Variants in L3MBTL4 observed in about 807,000 individuals in gnomAD.
The protein encoded by L3MBTL4 is lethal(3)malignant brain tumor-like protein 4.
A neutral mutation model predicts 84.5 loss-of-function variants in L3MBTL4; 70 were observed. That is an observed-to-expected ratio of 0.83 (90% CI 0.68 to 1.01). The LOEUF is 1.01. L3MBTL4 is among the 50% of genes least tolerant of loss of function. The pLI is 0.00. For synonymous variants in L3MBTL4, 274 were observed against 259.8 expected, an observed-to-expected ratio of 1.05 and a Z score of -0.52; for missense variants, 715 against 754.8, an observed-to-expected ratio of 0.95 and a Z score of 0.62.
At chr18:6,018,701 A>G (rs1339880133) in intron 16 of L3MBTL4, among the ~76,000 whole-genome samples, 1 of 152,222 alleles carries the variant, frequency 6.6e-6, no homozygotes, top group Non-Finnish European at 1.5e-5. Context: ...CTGAATATCT[A>G]AACAGTAGCA....
At chr18:6,037,806 T>C (rs1389065006) in intron 16 of L3MBTL4, among the ~76,000 whole-genome samples, 1 of 152,234 alleles carries the variant, frequency 6.6e-6, no homozygotes, top group East Asian at 1.9e-4. Context: ...TTCTGCATAA[T>C]GACATTTGAA....
chr18:6,308,359 C>T (rs2050685062), intron 3 of L3MBTL4, among the ~76,000 whole-genome samples: 1 of 152,160 alleles, frequency 6.6e-6, no homozygotes, highest in African/African-American at 2.4e-5. Context: ...AGGGTGATCT[C>T]TTTGGAGGAT....
Position 6,166,655 on chromosome 18 carries a change from A to G in L3MBTL4, c.1096+5173T>C, listed in dbSNP as rs1277450970. Among the ~76,000 whole-genome samples, 4 of 152,336 alleles carry G rather than the reference A, an allele frequency of 2.6e-5. No homozygotes were observed. The East Asian group carries it at 7.7e-4, about 29-fold the overall frequency. On this transcript the variant is annotated intron_variant, in intron 13 of 18. Coordinates refer to ENST00000317931, the MANE Select transcript of L3MBTL4 (RefSeq NM_001330559.2). ...CGAGAACAAAGACACAACATACCAGAATCTCTGGGACACATTCAAAGCAGT... is the reference window on the plus strand; with the variant it reads ...CGAGAACAAAGACACAACATACCAGGATCTCTGGGACACATTCAAAGCAGT...
chr18:5,971,689 A>C (rs963974251), intron 16 of L3MBTL4, among the ~76,000 whole-genome samples: 1 of 152,214 alleles, frequency 6.6e-6, no homozygotes, highest in Non-Finnish European at 1.5e-5. Context: ...AATTTCCCAC[A>C]CCATAATTCT....
chr18:5,969,657 G>A (rs1478018885), intron 16 of L3MBTL4, 95 bp from the exon 17 acceptor site: 23 of 1,266,548 alleles, frequency 1.8e-5, no homozygotes, highest in Non-Finnish European at 2.2e-5. Flanking sequence ...GTCAGGGGAC[G>A]GAAAGTGCAG....
chr18:6,227,121 A>G (rs958971169), intron 10 of L3MBTL4, among the ~76,000 whole-genome samples: 2 of 152,216 alleles, frequency 1.3e-5, no homozygotes, highest in Non-Finnish European at 2.9e-5. Flanking sequence ...TGTGCACCTA[A>G]TAAGAGTGCT....
At chr18:6,143,167 T>G (rs896733259) in intron 13 of L3MBTL4, among the ~76,000 whole-genome samples, 4 of 152,216 alleles carry the variant, frequency 2.6e-5, no homozygotes, top group Admixed American at 2.0e-4. Flanking sequence ...TAATATTGTT[T>G]TCAGTACTAT....
Position 6,174,914 on chromosome 18 carries a change from C to A in L3MBTL4, c.982-2972G>T, listed in dbSNP as rs148273409. Among the ~76,000 whole-genome samples the A allele has an allele frequency of 2.3e-3, 350 of 151,098 alleles. 2 individuals are homozygous for A. Among genetic ancestry groups the A allele is most frequent in the African/African-American group, 8.1e-3 (335 of 41,202 alleles). On this transcript the variant is annotated intron_variant, in intron 12 of 18. Coordinates refer to ENST00000317931, the MANE Select transcript of L3MBTL4 (RefSeq NM_001330559.2). Reference sequence around the variant, plus strand: ...ACAAGATTTAAATAATAAATAGAGCCTGATAATATCAACTCATCTAACATA... The same window carrying A: ...ACAAGATTTAAATAATAAATAGAGCATGATAATATCAACTCATCTAACATA...
At chr18:6,183,994 G>T (rs1489142971) in intron 12 of L3MBTL4, among the ~76,000 whole-genome samples, 1 of 152,090 alleles carries the variant, frequency 6.6e-6, no homozygotes, top group Non-Finnish European at 1.5e-5. Flanking sequence ...TGAACAACAT[G>T]ATGGACAATA....
Position 5,956,225 on chromosome 18 carries a change from C to G in L3MBTL4, c.1840G>C (p.Gly614Arg). Residue 614 changes from glycine (G) to arginine (R), a missense_variant, in exon 19 of 19, where the codon GGA (glycine) becomes CGA (arginine). Coordinates refer to ENST00000317931, the MANE Select transcript of L3MBTL4 (RefSeq NM_001330559.2). ...EDIASGQEVR[G>R] ...AGGAAGTTCAGGGAGCCCATTCATC[C>G]CCTGACTTCTTGGCCTGAGGCAATA... 6.2e-7 allele frequency: 1 copy of G among 1,612,478 alleles called. No homozygotes were observed. The highest frequency in any genetic ancestry group is 8.5e-7 in the Non-Finnish European group (1 of 1,179,352).
chr18:6,229,059 T>A (rs1467590696), intron 10 of L3MBTL4, among the ~76,000 whole-genome samples: 2 of 152,124 alleles, frequency 1.3e-5, no homozygotes, highest in Admixed American at 1.3e-4. Flanking sequence ...GCTAAAAAAA[T>A]TTTCATACTT....
intron 16 of L3MBTL4, chr18:6,030,851 A>G (rs539532238): frequency 2.0e-6 from 2 of 985,220 alleles, no homozygotes; most frequent in African/African-American, 3.5e-5. Flanking sequence ...AACATGAAAC[A>G]TACTGAAACT....
chr18:5,978,036 G>GTAC (rs1363491237), intron 16 of L3MBTL4, among the ~76,000 whole-genome samples: 1 of 152,238 alleles, frequency 6.6e-6, no homozygotes, highest in Non-Finnish European at 1.5e-5. Context: ...ACATGGTGCG[G>GTAC]TGTAGCAGGG....
intron 1 of L3MBTL4, among the ~76,000 whole-genome samples, chr18:6,316,817 G>A (rs1294672670): frequency 6.6e-6 from 1 of 152,076 alleles, no homozygotes; most frequent in Non-Finnish European, 1.5e-5. Context: ...CCCCTGATGA[G>A]ACCTCAGTGT....
intron 1 of L3MBTL4, among the ~76,000 whole-genome samples, chr18:6,398,535 A>T (rs72879976): frequency 0.014 from 2,088 of 152,228 alleles, 26 homozygotes; most frequent in Middle Eastern, 0.099. Flanking sequence ...TGCACATCAC[A>T]GAGGCAAAGA....
chr18:6,026,580 G>A (rs986598021), intron 16 of L3MBTL4, among the ~76,000 whole-genome samples: 1 of 152,140 alleles, frequency 6.6e-6, no homozygotes, highest in Admixed American at 6.6e-5. Context: ...TCAATCTGCT[G>A]AAGAGCTAAG....
At chr18:6,330,121 A>T (rs1237521739) in intron 1 of L3MBTL4, among the ~76,000 whole-genome samples, 1 of 152,198 alleles carries the variant, frequency 6.6e-6, no homozygotes, top group Non-Finnish European at 1.5e-5. Context: ...CTACTTAAAC[A>T]ATCTACTATA....
intron 5 of L3MBTL4, among the ~76,000 whole-genome samples, chr18:6,247,921 T>C (rs2047750240): frequency 6.6e-6 from 1 of 152,118 alleles, no homozygotes; most frequent in Non-Finnish European, 1.5e-5. Context: ...CAGAGGCACA[T>C]GATGTCCTTC....
chr18:6,016,387 G>A (rs2054980022), intron 16 of L3MBTL4, among the ~76,000 whole-genome samples: 1 of 152,188 alleles, frequency 6.6e-6, no homozygotes, highest in Non-Finnish European at 1.5e-5. Context: ...GTGTGATTAT[G>A]GCTTTAATTT....
Sources: gnomAD v4.1 joint callset for allele counts (sites outside exome capture counted in the v4.1 genomes callset) on GRCh38, gnomAD v4.1.1 for gene constraint, MANE v1.5 for transcripts, NCBI Gene and HGNC (gene_info 2026-07-23, HGNC 2026-07-21) for gene names.